Variants in SOX5 observed in about 807,000 individuals in gnomAD.
The protein encoded by SOX5 is SRY-box transcription factor 5.
Under a neutral mutation model 92.0 loss-of-function variants are expected in SOX5, and 9 were observed. The ratio of observed to expected loss-of-function variants is 0.10; its 90% CI spans 0.06 to 0.17. The LOEUF is 0.17. SOX5 is among the 10% of genes least tolerant of loss of function. SOX5 has a pLI of 1.00. For missense variants in SOX5, 642 were observed against 944.5 expected (o/e 0.68, Z 4.20); for synonymous variants, 344 against 336.3 (o/e 1.02, Z -0.25).
intron 4 of SOX5, among the ~76,000 whole-genome samples, chr12:24,157,582 T>C (rs971074754): frequency 1.3e-5 from 2 of 152,128 alleles, no homozygotes; most frequent in African/African-American, 2.4e-5. Flanking sequence ...AGATTGAAGA[T>C]CCAGCTCATT....
chr12:23,537,790 T>C (rs1940898325), intron 13 of SOX5, among the ~76,000 whole-genome samples: 2 of 152,148 alleles, frequency 1.3e-5, no homozygotes, highest in African/African-American at 2.4e-5. Context: ...GTGTCCGGAA[T>C]TGGTGGGTTC....
At chr12:24,082,857 C>G (rs1190388543) in intron 4 of SOX5, among the ~76,000 whole-genome samples, 2 of 151,524 alleles carry the variant, frequency 1.3e-5, no homozygotes, top group African/African-American at 2.4e-5. Context: ...TTCATTTATT[C>G]TAAACCACTA....
chr12:23,960,444 CT>C (rs1946762423), intron 4 of SOX5, among the ~76,000 whole-genome samples: 1 of 143,540 alleles, frequency 7.0e-6, no homozygotes, highest in African/African-American at 2.6e-5. Context: ...ATGATATATG[CT>C]TACACATGTG....
chr12:24,000,956 G>C (rs1462504380), intron 4 of SOX5, among the ~76,000 whole-genome samples: 1 of 152,086 alleles, frequency 6.6e-6, no homozygotes, highest in Non-Finnish European at 1.5e-5. Flanking sequence ...AAAATCTATA[G>C]AATGCTTCTT....
chr12:24,439,429 A>G (rs1438798209), intron 1 of SOX5, among the ~76,000 whole-genome samples: 1 of 152,030 alleles, frequency 6.6e-6, no homozygotes, highest in Admixed American at 6.5e-5. Flanking sequence ...TCCTCCATTC[A>G]TCTATCTAGA....
chr12:24,354,095 A>G (rs537896551), intron 2 of SOX5, among the ~76,000 whole-genome samples: 1 of 152,366 alleles, frequency 6.6e-6, no homozygotes, highest in East Asian at 1.9e-4. Context: ...TTCTATTGAT[A>G]TGAAATTATA....
chr12:23,830,605 C>T (rs2096300854), intron 3 of SOX5, among the ~76,000 whole-genome samples: 2 of 152,098 alleles, frequency 1.3e-5, no homozygotes, highest in African/African-American at 4.8e-5. Context: ...TAGGCTTTTC[C>T]CCTGATCCGT....
intron 7 of SOX5, among the ~76,000 whole-genome samples, chr12:23,645,237 A>C (rs2080675619): frequency 6.6e-6 from 1 of 152,178 alleles, no homozygotes; most frequent in African/African-American, 2.4e-5. Flanking sequence ...CTTGGTCTTG[A>C]AAATGTGCAG....
intron 8 of SOX5, among the ~76,000 whole-genome samples, chr12:23,624,399 G>A (rs2077523462): frequency 1.3e-5 from 2 of 152,088 alleles, no homozygotes; most frequent in Admixed American, 1.3e-4. Context: ...ACACAAATTA[G>A]TAAAGTTTTA....
chr12:23,727,198 A>G (rs1177936390), intron 6 of SOX5, among the ~76,000 whole-genome samples: 1 of 152,190 alleles, frequency 6.6e-6, no homozygotes, highest in Non-Finnish European at 1.5e-5. Flanking sequence ...TGTTATCAAC[A>G]TCACGTCAAT....
intron 4 of SOX5, among the ~76,000 whole-genome samples, chr12:23,973,729 G>A (rs936881468): frequency 2.6e-5 from 4 of 152,138 alleles, no homozygotes; most frequent in African/African-American, 4.8e-5. Context: ...GTTAGGAACC[G>A]GGCCACAGGA....
chr12:23,970,841 A>ATATATATATATATATATATTTTTTT lies in SOX5; in HGVS notation c.-1-74818_-1-74817insAAAAAAATATATATATATATATATA. ...ACATGGGACTTTATATATATATATA[A>ATATATATATATATATATATTTTTTT]TTTTTTTTTTTTTTTAAGAAATGGG... is the stretch of plus-strand genomic sequence containing the variant. On this transcript the variant is annotated intron_variant, in intron 4 of 4. Coordinates refer to the SOX5 transcript ENST00000446891. Among the ~76,000 whole-genome samples the ATATATATATATATATATATTTTTTT allele has an allele frequency of 9.6e-4, 21 of 21,882 alleles. 1 individual carries two copies. The highest frequency in any genetic ancestry group is 4.4e-3 in the South Asian group (2 of 454). The allele number at this position is 21,882 out of a possible 152,430, so 14.4% of individuals were successfully genotyped here.
chr12:24,502,004 G>GA (rs1172679775), intron 1 of SOX5, among the ~76,000 whole-genome samples: 1 of 151,742 alleles, frequency 6.6e-6, no homozygotes, highest in Non-Finnish European at 1.5e-5. Flanking sequence ...TTCACATCCT[G>GA]AAAAAAAACA....
intron 2 of SOX5, among the ~76,000 whole-genome samples, chr12:23,865,922 A>G (rs1407290854): frequency 6.6e-6 from 1 of 152,218 alleles, no homozygotes; most frequent in East Asian, 1.9e-4. Context: ...GGAAATTATT[A>G]CAGATGTGGT....
intron 1 of SOX5, among the ~76,000 whole-genome samples, chr12:23,903,829 AC>A (rs1245946177): frequency 1.3e-5 from 2 of 152,204 alleles, no homozygotes; most frequent in Non-Finnish European, 2.9e-5. Context: ...ATTAAACTTT[AC>A]TGTGTATTAA....
intron 4 of SOX5, among the ~76,000 whole-genome samples, chr12:24,176,975 T>C (rs548013773): frequency 0.011 from 673 of 61,160 alleles, 8 homozygotes; most frequent in African/African-American, 0.04. Context: ...GTTTTGTTTT[T>C]TGTTTTTTTT....
chr12:23,903,166 T>G (rs1287749758), intron 1 of SOX5, among the ~76,000 whole-genome samples: 1 of 152,146 alleles, frequency 6.6e-6, no homozygotes, highest in Non-Finnish European at 1.5e-5. Flanking sequence ...GAAAGAATAT[T>G]GTAAGGTGCA....
chr12:24,087,164 G>GTC (rs140332802), intron 4 of SOX5, among the ~76,000 whole-genome samples: 8 of 151,546 alleles, frequency 5.3e-5, no homozygotes, highest in Non-Finnish European at 7.4e-5. Flanking sequence ...TGTGTTCTCT[G>GTC]TCTCTCTCTC....
chr12:24,339,718 G>A (rs1336513698), intron 2 of SOX5, among the ~76,000 whole-genome samples: 1 of 152,204 alleles, frequency 6.6e-6, no homozygotes, highest in African/African-American at 2.4e-5. Context: ...TTACAGTGGT[G>A]GATGTGACAG....
Sources: allele counts gnomAD v4.1 joint callset (sites outside exome capture counted in the v4.1 genomes callset), GRCh38; gene constraint gnomAD v4.1.1; transcripts MANE v1.5; gene names NCBI Gene and HGNC (gene_info 2026-07-23, HGNC 2026-07-21).